Variants in KCNC1 observed in about 807,000 individuals in gnomAD.
KCNC1 encodes potassium voltage-gated channel subfamily C member 1.
KCNC1 carries 8 observed loss-of-function variants against 43.4 expected under a neutral mutation model. The ratio of observed to expected loss-of-function variants is 0.18; its 90% CI spans 0.11 to 0.33. The LOEUF (loss-of-function observed/expected upper bound fraction) is 0.33, where lower values mean the gene tolerates loss of function less well. Ranked by LOEUF, KCNC1 falls within the 10% of genes least tolerant of loss-of-function variation. The probability of loss-of-function intolerance (pLI) is 1.00; values close to 1 mark genes in which losing one functional copy is unlikely to be tolerated. For synonymous variants in KCNC1, 361 were observed against 360.5 expected (o/e 1.00, Z -0.01); for missense variants, 420 against 836.0 (o/e 0.50, Z 6.14).
intron 1 of KCNC1, among the ~76,000 whole-genome samples, chr11:17,763,257 T>C (rs2133797239): frequency 6.6e-6 from 1 of 152,058 alleles, no homozygotes; most frequent in Non-Finnish European, 1.5e-5. Flanking sequence ...GCTCCTGAGC[T>C]GGGCCGGCTC....
intron 1 of KCNC1, among the ~76,000 whole-genome samples, chr11:17,738,008 G>T (rs1161196603): frequency 6.6e-6 from 1 of 152,010 alleles, no homozygotes; most frequent in Non-Finnish European, 1.5e-5. Flanking sequence ...ATGTCGGGGC[G>T]GGCGGGGGGC....
chr11:17,752,943 T>G (rs908284169), intron 1 of KCNC1, among the ~76,000 whole-genome samples: 1 of 152,222 alleles, frequency 6.6e-6, no homozygotes, highest in Non-Finnish European at 1.5e-5. Context: ...TGAAAAGTAG[T>G]GCCTGGTGCA....
At chr11:17,769,571 G>A (rs1849198607) in intron 1 of KCNC1, among the ~76,000 whole-genome samples, 1 of 152,100 alleles carries the variant, frequency 6.6e-6, no homozygotes, top group South Asian at 2.1e-4. Flanking sequence ...GCCAGGTGGG[G>A]TGGCTTTCGC....
rs2133773639 is a variant in KCNC1, at chr11:17,735,782, C to T, written c.-221C>T. 1 of 468,688 alleles carries T rather than the reference C, an allele frequency of 2.1e-6. No individual in the cohort carries two copies. The highest frequency in any genetic ancestry group is 3.7e-6 in the Non-Finnish European group (1 of 273,912). 29.0% of individuals were successfully genotyped at this position (468,688 alleles called of 1,614,324 possible). On this transcript the variant is annotated 5_prime_UTR_variant, in exon 1 of 4. Coordinates refer to ENST00000265969, the MANE Select transcript of KCNC1 (RefSeq NM_001112741.2). The surrounding 1 kb of genome is among the most constrained non-coding windows in gnomAD (Gnocchi z 6.7). ...CCTCCCACATCTGGCTCCTAGAGAC[C>T]CCTGGGATCCCGCGCACATTCCCCT...
In KCNC1 at chr11:17,739,194, G is replaced by A. The variant is rs970001637; in HGVS notation, c.570+2622G>A. Among the ~76,000 whole-genome samples the A allele has an allele frequency of 8.5e-5, 13 of 152,156 alleles. No individual in the cohort carries two copies. Among genetic ancestry groups the A allele is most frequent in the East Asian group, 3.8e-4 (2 of 5,196 alleles). On this transcript the variant is annotated intron_variant, in intron 1 of 3. Coordinates refer to ENST00000265969, the MANE Select transcript of KCNC1 (RefSeq NM_001112741.2). This position sits in a 1 kb window ranked among gnomAD's most constrained non-coding sequence, Gnocchi z 4.2. The stretch of plus-strand genomic sequence containing the variant: ...GGGCCCCGAGACTCCTCACACCAGC[G>A]GGTCGGGACTTAAGTCGTTATTCTA...
chr11:17,774,814 G>A, intron 2 of KCNC1: 1 of 985,386 alleles, frequency 1.0e-6, no homozygotes, highest in Non-Finnish European at 1.2e-6. Context: ...GTGCTCCCAA[G>A]CCCTTCCCAA....
intron 1 of KCNC1, among the ~76,000 whole-genome samples, chr11:17,747,624 C>A (rs928830299): frequency 6.6e-6 from 1 of 152,172 alleles, no homozygotes; most frequent in Non-Finnish European, 1.5e-5. Context: ...GCCAGGCCGA[C>A]GCCAGCCTGG....
intron 1 of KCNC1, among the ~76,000 whole-genome samples, chr11:17,744,760 G>T (rs1175942246): frequency 6.6e-6 from 1 of 152,102 alleles, no homozygotes; most frequent in Admixed American, 6.5e-5. Context: ...GGGCTGGGTA[G>T]GGGTGTTTGC....
chr11:17,778,778 A>G (rs962805037), intron 2 of KCNC1, among the ~76,000 whole-genome samples: 3 of 146,050 alleles, frequency 2.1e-5, no homozygotes, highest in African/African-American at 7.6e-5. Context: ...GACCGGGCCT[A>G]GCCTGTATGG....
At chr11:17,775,744 C>T in intron 2 of KCNC1, 1 of 985,982 alleles carries the variant, frequency 1.0e-6, no homozygotes. Flanking sequence ...CTGCAGGGTC[C>T]CACGTCAGTG....
chr11:17,762,608 A>G (rs1239090500), intron 1 of KCNC1, among the ~76,000 whole-genome samples: 2 of 152,176 alleles, frequency 1.3e-5, no homozygotes, highest in Non-Finnish European at 2.9e-5. Flanking sequence ...ATGAGACTCC[A>G]GCTGCTTTGA....
At chr11:17,780,275 C>T (rs964121160) in intron 3 of KCNC1, 3 of 152,354 alleles carry the variant, frequency 2.0e-5, no homozygotes, top group Admixed American at 6.5e-5. Context: ...CCCTTCCATC[C>T]GCAGCACCCA....
At chr11:17,745,966 G>A (rs1200989316) in intron 1 of KCNC1, among the ~76,000 whole-genome samples, 1 of 152,210 alleles carries the variant, frequency 6.6e-6, no homozygotes, top group Non-Finnish European at 1.5e-5. Context: ...GTCCATGAGG[G>A]CAGGGATTTT....
rs773796407 is a variant in KCNC1 at position 17,736,401 on chromosome 11, C to A, written c.399C>A (p.Asp133Glu). Residue 133 changes from aspartate to glutamate, a missense_variant, in exon 1 of 4, where the codon GAC becomes GAA. Physicochemically the swap from Asp to Glu is conservative, Grantham distance 45 (BLOSUM62 2). Around this residue, in one of 5 missense-constraint regions of KCNC1, gnomAD observed 151 missense variants for 216.7 expected, o/e 0.70. Transcript: ENST00000265969. This position sits in a 1 kb window ranked among gnomAD's most constrained non-coding sequence, Gnocchi z 9.3. Reference sequence around the variant, plus strand: ...CTCCTCTGGACAACAGCGCCGACGACGCGGACGCCGACGGCCCTGGCGACT... The same window carrying A: ...CTCCTCTGGACAACAGCGCCGACGAAGCGGACGCCGACGGCCCTGGCGACT... Reference protein sequence around the residue: ...GGAPLDNSADDADADGPGDSG... With the variant: ...GGAPLDNSADEADADGPGDSG... 6.2e-7 allele frequency: 1 copy of A among 1,609,448 alleles called. No individual in the cohort carries two copies. Among genetic ancestry groups the A allele is most frequent in the Non-Finnish European group, 8.5e-7 (1 of 1,178,548 alleles).
chr11:17,762,803 G>A (rs1404596134), intron 1 of KCNC1, among the ~76,000 whole-genome samples: 1 of 152,104 alleles, frequency 6.6e-6, no homozygotes, highest in Non-Finnish European at 1.5e-5. Context: ...CTCCCTCACC[G>A]TGCTGCGCCT....
Position 17,776,124 on chromosome 11 carries a change from C to T in KCNC1, c.1505-3332C>T, listed in dbSNP as rs751272023. On this transcript the variant is annotated intron_variant, in intron 2 of 3. Coordinates refer to ENST00000265969, the MANE Select transcript of KCNC1 (RefSeq NM_001112741.2). The surrounding 1 kb of genome is among the most constrained non-coding windows in gnomAD (Gnocchi z 4.4). ...CTCAGGTGGGCTGTGGGGGAAGTAG[C>T]GGAGAAATGAAGTGACGCCAGGGGC... is the stretch of plus-strand genomic sequence containing the variant. The T allele has an allele frequency of 1.2e-3, 1,226 of 985,372 alleles. 1 individual carries two copies. The highest frequency in any genetic ancestry group is 3.7e-3 in the Middle Eastern group (7 of 1,914). The allele number at this position is 985,372 out of a possible 1,614,324, so 61.0% of individuals were successfully genotyped here.
At position 17,736,718 on chromosome 11, in the gene KCNC1, A is replaced by T; in HGVS notation, c.570+146A>T. 1 of 1,364,480 alleles carries T rather than the reference A, an allele frequency of 7.3e-7. No individual in the cohort carries two copies. Among genetic ancestry groups the T allele is most frequent in the Non-Finnish European group, 9.6e-7 (1 of 1,042,766 alleles). The allele number at this position is 1,364,480 out of a possible 1,614,324, so 84.5% of individuals were successfully genotyped here. A position where few individuals can be genotyped will look rare whatever the true frequency, so the allele number is the denominator to read the frequency against. On this transcript the variant is annotated intron_variant, in intron 1 of 3. Coordinates refer to ENST00000265969, the MANE Select transcript of KCNC1 (RefSeq NM_001112741.2). This position sits in a 1 kb window ranked among gnomAD's most constrained non-coding sequence, Gnocchi z 9.3. ...TGCGCATGTGTGCACGTACCAGGGT[A>T]AGAGAGGAAGGGTGTCCGCCGGGGT...
At chr11:17,754,469 G>A (rs892464167) in intron 1 of KCNC1, among the ~76,000 whole-genome samples, 1 of 152,208 alleles carries the variant, frequency 6.6e-6, no homozygotes, top group South Asian at 2.1e-4. Flanking sequence ...TGCCCATATT[G>A]ACAAGGGGCA....
intron 2 of KCNC1, chr11:17,775,993 G>A (rs1849282408): frequency 9.1e-6 from 9 of 985,374 alleles, no homozygotes; most frequent in Non-Finnish European, 1.1e-5. Context: ...AGGGGGGAGG[G>A]AGCTGGGCAG....
Sources: gnomAD v4.1 joint callset for allele counts (sites outside exome capture counted in the v4.1 genomes callset) on GRCh38, gnomAD v4.1.1 for gene constraint, gnomAD v4.1.1 regional missense constraint, Gnocchi (gnomAD v3.1) non-coding constraint, MANE v1.5 for transcripts, NCBI Gene and HGNC (gene_info 2026-07-23, HGNC 2026-07-21) for gene names.